ODF2: variants seen among roughly 807,000 people sequenced by gnomAD.
ODF2 encodes the protein outer dense fiber of sperm tails 2.
Under a neutral mutation model 110.2 loss-of-function variants are expected in ODF2, and 47 were observed. The observed-to-expected ratio is 0.43, with a 90% CI of 0.34 to 0.54. The LOEUF is 0.54. Ranked by LOEUF, ODF2 falls within the 20% of genes least tolerant of loss-of-function variation. ODF2 has a pLI of 0.03. For missense variants in ODF2, 812 were observed against 1,054.5 expected (o/e 0.77, Z 3.19); for synonymous variants, 352 against 397.7 (o/e 0.89, Z 1.37).
At chr9:128,479,759 G>C (rs1842063970) in intron 8 of ODF2, among the ~76,000 whole-genome samples, 2 of 152,278 alleles carry the variant, frequency 1.3e-5, no homozygotes, top group South Asian at 4.1e-4. Context: ...TGGCATATTA[G>C]AGACACGGAG....
rs755922266 is a variant in ODF2, at chr9:128,494,717, C to T, written c.1911+49C>T. ...CCACGAACTGACCCGAGCAGGGGCC[C>T]GCATACCAAGATGAGCTGCACGCCC... On this transcript the variant is annotated intron_variant, in intron 17 of 20. Transcript: ENST00000604420. This position sits in a 1 kb window ranked among gnomAD's most constrained non-coding sequence, Gnocchi z 4.6. 6 of 1,613,956 alleles carry T rather than the reference C, an allele frequency of 3.7e-6. No individual in the cohort carries two copies. In the Admixed American group the frequency reaches 5.0e-5, roughly 13 times the overall value.
exon 6 of ODF2, chr9:128,471,449 G>C: frequency 6.2e-7 from 1 of 1,613,412 alleles, no homozygotes; most frequent in Admixed American, 1.7e-5. Context: ...GCGCATGAAG[G>C]AGGAGAAGGA....
At chr9:128,463,257 TCAAA>T (rs1283395766) in intron 4 of ODF2, among the ~76,000 whole-genome samples, 1 of 152,226 alleles carries the variant, frequency 6.6e-6, no homozygotes, top group South Asian at 2.1e-4. Flanking sequence ...AGACCCTGTC[TCAAA>T]CAAAACAAAA....
rs150959424 is a variant in ODF2 at position 128,471,991 on chromosome 9, AATTT to A, written c.581+528_581+531del. 8.4e-3 allele frequency among the ~76,000 whole-genome samples: 1,286 copies of A among 152,246 alleles called. 19 individuals carry two copies. Among genetic ancestry groups the A allele is most frequent in the African/African-American group, 0.03 (1,234 of 41,560 alleles). ...TGGAAAGGATTTATTTTATTTAATT[AATTT>A]ATTTGGCCGGGCGTGGTGGCTCACG... On this transcript the variant is annotated intron_variant, in intron 6 of 20. Transcript: ENST00000604420.
At chr9:128,456,193 C>G (rs575273953) in exon 1 of ODF2, 15 of 1,548,438 alleles carry the variant, frequency 9.7e-6, no homozygotes, top group Non-Finnish European at 1.2e-5. Context: ...ATGGCACGAC[C>G]CTGGCCTCCG....
At chr9:128,468,340 G>A (rs921757576) in intron 4 of ODF2, among the ~76,000 whole-genome samples, 2 of 152,008 alleles carry the variant, frequency 1.3e-5, no homozygotes, top group African/African-American at 4.8e-5. Context: ...TAATGTTTTT[G>A]CTGATTTGTT....
exon 1 of ODF2, chr9:128,456,250 C>T (rs1045647393): frequency 1.4e-5 from 21 of 1,539,102 alleles, no homozygotes; most frequent in Non-Finnish European, 1.8e-5. Flanking sequence ...AGCCGTGTCG[C>T]TCCTGGTGAG....
chr9:128,473,559 G>C (rs368330623), intron 7 of ODF2, 51 bp from the exon 8 acceptor site: 13 of 1,605,560 alleles, frequency 8.1e-6, no homozygotes, highest in Non-Finnish European at 1.1e-5. Flanking sequence ...CATGGGGCCT[G>C]CTTCTTCCCT....
chr9:128,486,952 G>A (rs1384516913), intron 13 of ODF2, among the ~76,000 whole-genome samples: 1 of 152,170 alleles, frequency 6.6e-6, no homozygotes, highest in Non-Finnish European at 1.5e-5. Flanking sequence ...ACCAAGACCT[G>A]ATAGGCAGAG....
At position 128,486,341 on chromosome 9, in the gene ODF2, A is replaced by G. The variant is rs527601133; in HGVS notation, c.1400+867A>G. On this transcript the variant is annotated intron_variant, in intron 13 of 20. Transcript: ENST00000604420. ...GGAGTTCTCTGTCTAGTGGGAGAAC[A>G]TAGATACCTAAGACAGAAGCATACA... Among the ~76,000 whole-genome samples, 82 of 152,332 alleles carry G rather than the reference A, an allele frequency of 5.4e-4. 5 individuals carry two copies. The South Asian group carries it at 0.017, about 32-fold the overall frequency.
intron 8 of ODF2, among the ~76,000 whole-genome samples, chr9:128,476,690 T>A (rs1339065965): frequency 2.0e-5 from 3 of 150,150 alleles, no homozygotes; most frequent in African/African-American, 7.3e-5. Flanking sequence ...CAGGCTAGAG[T>A]GCAGTGGCAC....
exon 5 of ODF2, chr9:128,469,236 A>G (rs1839098735): frequency 2.5e-6 from 4 of 1,613,994 alleles, no homozygotes; most frequent in Middle Eastern, 1.6e-4. Context: ...AGCTGGTCTC[A>G]GTGATGCGGT....
chr9:128,456,042 G>A, upstream of ODF2: 13 of 1,480,404 alleles, frequency 8.8e-6, no homozygotes, highest in Non-Finnish European at 1.2e-5. Flanking sequence ...CTAGGGGCTG[G>A]GCCTCGATGG....
Position 128,494,748 on chromosome 9 carries a change from G to A in ODF2, c.1911+80G>A. ...CCAAGATGAGCTGCACGCCCCCCAA[G>A]GGAGGACTACTTCCTTTTTCTTGGC... On this transcript the variant is annotated intron_variant, in intron 17 of 20. Coordinates refer to ENST00000604420, the Ensembl canonical transcript of ODF2. This position sits in a 1 kb window ranked among gnomAD's most constrained non-coding sequence, Gnocchi z 4.6. 6.2e-7 allele frequency: 1 copy of A among 1,613,026 alleles called. No homozygotes were observed.
exon 21 of ODF2, chr9:128,500,182 A>G (rs755062893): frequency 6.8e-6 from 11 of 1,614,080 alleles, no homozygotes; most frequent in South Asian, 3.3e-5. Context: ...TCATACGCCA[A>G]CGTGTTTGGG....
rs900109976 is a variant in ODF2 at position 128,494,978 on chromosome 9, G to A, written c.1911+310G>A. On this transcript the variant is annotated intron_variant, in intron 17 of 20. Transcript: ENST00000604420. This position sits in a 1 kb window ranked among gnomAD's most constrained non-coding sequence, Gnocchi z 4.6. ...AGCTGTCCTCAGCTCCACACCCACAGCTGGGAGATGCCAGCAGACACCGAG... is the reference window on the plus strand; with the variant it reads ...AGCTGTCCTCAGCTCCACACCCACAACTGGGAGATGCCAGCAGACACCGAG... 4 of 654,436 alleles carry A rather than the reference G, an allele frequency of 6.1e-6. No homozygotes were observed. Among genetic ancestry groups the A allele is most frequent in the Non-Finnish European group, 9.9e-6 (4 of 402,972 alleles). The allele number at this position is 654,436 out of a possible 1,614,324, so 40.5% of individuals were successfully genotyped here.
intron 20 of ODF2, among the ~76,000 whole-genome samples, 191 bp from the exon 21 acceptor site, chr9:128,499,876 T>G (rs941086675): frequency 1.3e-5 from 2 of 152,154 alleles, no homozygotes; most frequent in African/African-American, 4.8e-5. Flanking sequence ...TCCCGAAGTG[T>G]TGGGATTATA....
rs148981020 is a variant in ODF2 at position 128,499,870 on chromosome 9, G to A, written c.2302-197G>A. 3.9e-5 allele frequency among the ~76,000 whole-genome samples: 6 copies of A among 152,190 alleles called. No homozygotes were observed. The South Asian group carries it at 6.2e-4, about 16-fold the overall frequency. ...AGTGATCATTCCGTCCTGACCTCCC[G>A]AAGTGTTGGGATTATAGGCATGAGC... On this transcript the variant is annotated intron_variant, in intron 20 of 20. Transcript: ENST00000604420.
chr9:128,475,646 C>CT lies in ODF2; in HGVS notation c.843+1915dup, dbSNP rs201971288. Among the ~76,000 whole-genome samples the CT allele has an allele frequency of 9.7e-3, 1,452 of 149,410 alleles. 31 individuals are homozygous for CT. The highest frequency in any genetic ancestry group is 0.073 in the East Asian group (374 of 5,114). On this transcript the variant is annotated intron_variant, in intron 8 of 20. Transcript: ENST00000604420. ...CATTCTGCTTCTGTGAGTTCGACTT[C>CT]TTTTTTTTTTCTTTTTTGAGATGGA...
Sources: allele counts gnomAD v4.1 joint callset (sites outside exome capture counted in the v4.1 genomes callset), GRCh38; gene constraint gnomAD v4.1.1; non-coding constraint Gnocchi (gnomAD v3.1); transcripts MANE v1.5; gene names NCBI Gene and HGNC (gene_info 2026-07-23, HGNC 2026-07-21).